SLIT3: variants seen among roughly 807,000 people sequenced by gnomAD.
SLIT3 encodes the protein slit guidance ligand 3, also known as slit homolog 3 protein.
A neutral mutation model predicts 184.0 loss-of-function variants in SLIT3; 68 were observed. That is an observed-to-expected ratio of 0.37 (90% CI 0.30 to 0.45). SLIT3 has a LOEUF of 0.45. Among genes scored for constraint, SLIT3 ranks in the 20% least tolerant of loss-of-function variants. SLIT3 has a pLI of 1.00. For synonymous variants in SLIT3, 831 were observed against 828.6 expected (o/e 1.00, Z -0.05); for missense variants, 1,707 against 2,026.0 (o/e 0.84, Z 3.02).
chr5:169,262,566 G>A (rs570438513), intron 1 of SLIT3, among the ~76,000 whole-genome samples: 5 of 152,224 alleles, frequency 3.3e-5, no homozygotes, highest in African/African-American at 7.2e-5. Flanking sequence ...CATGCTTGGG[G>A]ACTGGAACCA....
chr5:169,148,625 T>C (rs1762012349), intron 4 of SLIT3, among the ~76,000 whole-genome samples: 1 of 152,228 alleles, frequency 6.6e-6, no homozygotes, highest in African/African-American at 2.4e-5. Flanking sequence ...TTGCACGTTG[T>C]TCTGTGGCTG....
chr5:168,703,029 G>A (rs1762263248), intron 26 of SLIT3, among the ~76,000 whole-genome samples: 1 of 152,188 alleles, frequency 6.6e-6, no homozygotes, highest in Non-Finnish European at 1.5e-5. Context: ...AGGAGGCAGA[G>A]CCTAGCGCTT....
chr5:168,934,175 C>A (rs1169345040), intron 4 of SLIT3, among the ~76,000 whole-genome samples: 1 of 152,130 alleles, frequency 6.6e-6, no homozygotes, highest in Non-Finnish European at 1.5e-5. Flanking sequence ...AGAGGGAGAA[C>A]GCTCCTCGTA....
At chr5:169,170,632 C>T (rs1393646880) in intron 4 of SLIT3, among the ~76,000 whole-genome samples, 1 of 152,206 alleles carries the variant, frequency 6.6e-6, no homozygotes, top group African/African-American at 2.4e-5. Flanking sequence ...GGACACCAAA[C>T]CCTGTGTTGC....
At chr5:168,821,390 G>A (rs1757527926) in intron 7 of SLIT3, among the ~76,000 whole-genome samples, 1 of 152,232 alleles carries the variant, frequency 6.6e-6, no homozygotes, top group South Asian at 2.1e-4. Flanking sequence ...TTTCTTCGAT[G>A]CAACCCACAT....
chr5:169,215,256 ATGT>A (rs1764398073), intron 3 of SLIT3, among the ~76,000 whole-genome samples: 1 of 151,958 alleles, frequency 6.6e-6, no homozygotes, highest in Admixed American at 6.6e-5. Context: ...GCCTTTGCTG[ATGT>A]TGTTCTATCT....
chr5:169,290,849 CATGCTAGGGCAT>C (rs1228900410), intron 1 of SLIT3, among the ~76,000 whole-genome samples: 1 of 151,390 alleles, frequency 6.6e-6, no homozygotes, highest in Non-Finnish European at 1.5e-5. Flanking sequence ...CGCTAGGGCA[CATGCTAGGGCAT>C]ACGCTAGGGT....
chr5:168,700,520 G>T (rs1582545044), intron 27 of SLIT3, 62 bp downstream of exon 27: 2 of 1,149,768 alleles, frequency 1.7e-6, no homozygotes, highest in African/African-American at 1.5e-5. Context: ...TCTTGGGTAT[G>T]TCTTTATTAG....
At chr5:168,762,452 G>T (rs373354098) in intron 15 of SLIT3, 87 bp downstream of exon 15, 12 of 1,442,344 alleles carry the variant, frequency 8.3e-6, no homozygotes, top group East Asian at 2.3e-5. Context: ...CCAGGAAGGG[G>T]TCACCGCCAG....
chr5:168,881,261 C>A (rs769946778), intron 5 of SLIT3, among the ~76,000 whole-genome samples: 2 of 152,064 alleles, frequency 1.3e-5, no homozygotes, highest in African/African-American at 4.8e-5. Context: ...GAATCTTGAA[C>A]CTTTCAAGTC....
chr5:168,727,156 C>T (rs1211659729), intron 20 of SLIT3, among the ~76,000 whole-genome samples: 1 of 151,782 alleles, frequency 6.6e-6, no homozygotes, highest in African/African-American at 2.4e-5. Context: ...CCTGTCTCTA[C>T]TAAAAATACA....
intron 5 of SLIT3, among the ~76,000 whole-genome samples, chr5:168,847,822 C>T (rs561469343): frequency 2.0e-4 from 31 of 152,102 alleles, no homozygotes; most frequent in East Asian, 5.8e-4. Context: ...TTGATGTGAC[C>T]GGGGGGCCAC....
intron 4 of SLIT3, chr5:169,038,071 C>T (rs1757318061): frequency 6.6e-6 from 1 of 152,214 alleles, no homozygotes; most frequent in Non-Finnish European, 1.5e-5. Context: ...TCCAACCTCT[C>T]ATGTGCCAAT....
At chr5:168,953,575 G>T (rs1234338990) in intron 4 of SLIT3, among the ~76,000 whole-genome samples, 3 of 152,190 alleles carry the variant, frequency 2.0e-5, no homozygotes, top group Non-Finnish European at 2.9e-5. Context: ...ATCTCACAAG[G>T]CTGTGGCAAT....
At chr5:168,735,017 G>C (rs1763388679) in intron 20 of SLIT3, among the ~76,000 whole-genome samples, 1 of 152,172 alleles carries the variant, frequency 6.6e-6, no homozygotes, top group South Asian at 2.1e-4. Flanking sequence ...CTTTGTAGCA[G>C]GCCCTTCATG....
intron 3 of SLIT3, among the ~76,000 whole-genome samples, chr5:169,202,566 C>T (rs1763934974): frequency 6.6e-6 from 1 of 152,086 alleles, no homozygotes; most frequent in South Asian, 2.1e-4. Flanking sequence ...CTTTTTGGAG[C>T]CTTGGTTGAC....
chr5:169,219,649 A>G (rs921658841), intron 3 of SLIT3, among the ~76,000 whole-genome samples: 1 of 152,206 alleles, frequency 6.6e-6, no homozygotes, highest in Admixed American at 6.5e-5. Context: ...CCACAGATGC[A>G]TGACCCTGCC....
intron 19 of SLIT3, 86 bp downstream of exon 19, chr5:168,749,386 T>TC: frequency 6.7e-7 from 1 of 1,492,334 alleles, no homozygotes. Context: ...GAATTGGATC[T>TC]CAGGGAGTAT....
In SLIT3 at chr5:169,257,533, C is replaced by CTTTTTTT. The variant is rs1157258489; in HGVS notation, c.198-6081_198-6075dup. ...TTGATACAATAGCTTTCTATGCCTC[C>CTTTTTTT]TTTTTTTTTTTTTTTTTTTTTTTTT... On this transcript the variant is annotated intron_variant, in intron 1 of 35. Coordinates refer to ENST00000519560, the MANE Select transcript of SLIT3 (RefSeq NM_003062.4). Among the ~76,000 whole-genome samples the CTTTTTTT allele has an allele frequency of 1.1e-4, 9 of 80,962 alleles. 2 individuals carry two copies. The highest frequency in any genetic ancestry group is 1.3e-4 in the Non-Finnish European group (6 of 46,062). 53.1% of individuals were successfully genotyped at this position (80,962 alleles called of 152,430 possible).
Sources: allele counts gnomAD v4.1 joint callset (sites outside exome capture counted in the v4.1 genomes callset), GRCh38; gene constraint gnomAD v4.1.1; transcripts MANE v1.5; gene names NCBI Gene and HGNC (gene_info 2026-07-23, HGNC 2026-07-21).